OGA: variants seen among roughly 807,000 people sequenced by gnomAD.
OGA encodes the protein protein O-GlcNAcase.
Under a neutral mutation model 102.0 loss-of-function variants are expected in OGA, and 21 were observed. The ratio of observed to expected loss-of-function variants is 0.21; its 90% CI spans 0.15 to 0.30. OGA has a LOEUF of 0.30. Among genes scored for constraint, OGA ranks in the 10% least tolerant of loss-of-function variants. OGA has a pLI of 1.00. For missense variants in OGA, 765 were observed against 1,107.8 expected (o/e 0.69, Z 4.39); for synonymous variants, 408 against 378.2 (o/e 1.08, Z -0.91).
intron 12 of OGA, chr10:101,792,589 T>C: frequency 2.5e-6 from 1 of 393,522 alleles, no homozygotes; most frequent in Non-Finnish European, 4.6e-6. Flanking sequence ...ACATTAACTA[T>C]TTTGTAACTC....
chr10:101,793,369 C>T (rs569770068), intron 11 of OGA, among the ~76,000 whole-genome samples: 3 of 152,194 alleles, frequency 2.0e-5, no homozygotes, highest in Non-Finnish European at 2.9e-5. Flanking sequence ...CAAAGCAATG[C>T]GCTTCAGTTT....
At chr10:101,802,537 C>T (rs61874101) in intron 7 of OGA, among the ~76,000 whole-genome samples, 7,472 of 151,806 alleles carry the variant, frequency 0.049, 206 homozygotes, top group Middle Eastern at 0.096. Flanking sequence ...GGCATGGTGG[C>T]GCATGCCTGT....
intron 14 of OGA, among the ~76,000 whole-genome samples, chr10:101,788,968 TTTAAA>T (rs2065224371): frequency 6.6e-6 from 1 of 152,190 alleles, no homozygotes; most frequent in Non-Finnish European, 1.5e-5. Context: ...CATAAAATAT[TTTAAA>T]TTAACGTATT....
At chr10:101,799,488 G>T (rs76134290) in intron 8 of OGA, 33 bp from the exon 9 acceptor site, 258,995 of 1,569,162 alleles carry the variant, frequency 0.17, 22,772 homozygotes, top group Non-Finnish European at 0.18. Context: ...AAATAAAATG[G>T]TCACACAGAT....
At chr10:101,808,027 T>C (rs2065498736) in intron 4 of OGA, 126 bp from the exon 5 acceptor site, 1 of 826,824 alleles carries the variant, frequency 1.2e-6, no homozygotes, top group Non-Finnish European at 1.7e-6. Context: ...AGATTTATTG[T>C]TTTTACATTT....
Position 101,798,920 on chromosome 10 carries a change from C to A in OGA, c.1731G>T (p.Gln577His). 2 of 1,614,158 alleles carry A rather than the reference C, an allele frequency of 1.2e-6. No individual in the cohort carries two copies. The highest frequency in any genetic ancestry group is 1.7e-6 in the Non-Finnish European group (2 of 1,180,014). The change falls in exon 9 of 16, where the codon CAG becomes CAT. Residue 577 changes from glutamine to histidine, a missense_variant. Gln to His is a conservative substitution (Grantham distance 24). Around this residue, in one of 7 missense-constraint regions of OGA, gnomAD observed 281 missense variants for 345.8 expected, o/e 0.81. Transcript: ENST00000361464. ...LPYEHGPKGAQMLREFQWLRA... is the reference protein window; with the variant it reads ...LPYEHGPKGAHMLREFQWLRA... ...GAAGCCATTGAAATTCCCGTAACATCTGTGCTCCTTTGGGTCCATGCTCGT... is the reference window on the plus strand; with the variant it reads ...GAAGCCATTGAAATTCCCGTAACATATGTGCTCCTTTGGGTCCATGCTCGT...
At chr10:101,817,719 C>A in intron 1 of OGA, 105 bp downstream of exon 1, 1 of 1,309,690 alleles carries the variant, frequency 7.6e-7, no homozygotes. Flanking sequence ...ATTTCAGACC[C>A]AGAGGCTTTC....
At chr10:101,795,795 G>C (rs2065306760) in intron 10 of OGA, 1 of 633,190 alleles carries the variant, frequency 1.6e-6, no homozygotes, top group Non-Finnish European at 2.0e-6. Flanking sequence ...ACTAATGATA[G>C]TTGATGAGCT....
intron 15 of OGA, among the ~76,000 whole-genome samples, chr10:101,787,124 C>T (rs1285887011): frequency 1.3e-5 from 2 of 151,760 alleles, no homozygotes; most frequent in Admixed American, 1.3e-4. Context: ...TCAAGTGATC[C>T]TCCCACTTCG....
At chr10:101,804,505 C>A (rs578074429) in intron 6 of OGA, among the ~76,000 whole-genome samples, 1 of 152,178 alleles carries the variant, frequency 6.6e-6, no homozygotes, top group Non-Finnish European at 1.5e-5. Flanking sequence ...GATCTCCTCA[C>A]CCTGTGATCC....
rs869235919 is a variant in OGA, at chr10:101,790,265, GTTTTTTTTTTTT to G, written c.2454+619_2454+630del. The stretch of plus-strand genomic sequence containing the variant: ...CTCAACAAAACGACCATAATATCTT[GTTTTTTTTTTTT>G]TTTTTTTTTTTTTGAGACAGAGTTT... On this transcript the variant is annotated intron_variant, in intron 14 of 15. Coordinates refer to ENST00000361464, the MANE Select transcript of OGA (RefSeq NM_012215.5). Among the ~76,000 whole-genome samples, 6 of 86,392 alleles carry G rather than the reference GTTTTTTTTTTTT, an allele frequency of 6.9e-5. No individual in the cohort carries two copies. In the South Asian group the frequency reaches 1.9e-3, roughly 27 times the overall value. The allele number at this position is 86,392 out of a possible 152,430, so 56.7% of individuals were successfully genotyped here.
chr10:101,812,381 C>T (rs558803700), intron 3 of OGA, among the ~76,000 whole-genome samples: 1 of 152,192 alleles, frequency 6.6e-6, no homozygotes, highest in East Asian at 1.9e-4. Context: ...GCACTCCAGC[C>T]TGGGGGACAG....
chr10:101,804,279 T>TC (rs2065437382), intron 6 of OGA, among the ~76,000 whole-genome samples: 1 of 149,556 alleles, frequency 6.7e-6, no homozygotes, highest in Admixed American at 6.6e-5. Flanking sequence ...GTACTTTTTT[T>TC]TTTTTTTTTT....
At chr10:101,814,049 C>T (rs1456009106) in intron 1 of OGA, among the ~76,000 whole-genome samples, 2 of 147,992 alleles carry the variant, frequency 1.4e-5, no homozygotes, top group African/African-American at 5.0e-5. Context: ...GAGGGGAGGC[C>T]GGGTGAGGTG....
At position 101,798,055 on chromosome 10, in the gene OGA, G is replaced by A. The variant is rs759567027; in HGVS notation, c.1909C>T (p.Leu637Phe). 6.2e-7 allele frequency: 1 copy of A among 1,613,696 alleles called. No homozygotes were observed. The highest frequency in any genetic ancestry group is 8.5e-7 in the Non-Finnish European group (1 of 1,179,644). Reference sequence around the variant, plus strand: ...CAAACATAGGAGTACATGTCATAAAGAATTGTCCTGTTGGCACAATTGGAG... The same window carrying A: ...CAAACATAGGAGTACATGTCATAAAAAATTGTCCTGTTGGCACAATTGGAG... ...RLSNCANRTI[L>F]YDMYSYVWDI... The change falls in exon 10 of 16, where the codon CTT becomes TTT. Residue 637 changes from leucine (L) to phenylalanine (F), a missense_variant. Physicochemically the swap from Leu to Phe is conservative, Grantham distance 22 (BLOSUM62 0). Transcript: ENST00000361464.
At chr10:101,798,815 A>T in intron 9 of OGA, 27 bp downstream of exon 9, 1 of 1,591,636 alleles carries the variant, frequency 6.3e-7, no homozygotes, top group Non-Finnish European at 8.6e-7. Flanking sequence ...CCCAGGCTTC[A>T]GCAGCAGGTA....
At chr10:101,788,979 G>A (rs189915871) in intron 14 of OGA, among the ~76,000 whole-genome samples, 252 of 152,138 alleles carry the variant, frequency 1.7e-3, no homozygotes, top group Non-Finnish European at 2.8e-3. Context: ...TTAAATTAAC[G>A]TATTCCTTAC....
intron 12 of OGA, among the ~76,000 whole-genome samples, chr10:101,791,829 T>A (rs1432474016): frequency 6.7e-6 from 1 of 149,938 alleles, no homozygotes; most frequent in Non-Finnish European, 1.5e-5. Context: ...ACCATACTCA[T>A]CTAATTTTTT....
rs1171359689 is a variant in OGA at position 101,791,502 on chromosome 10, AC to A, written c.2176-64del. The A allele has an allele frequency of 3.7e-6, 5 of 1,355,478 alleles. No homozygotes were observed. In the African/African-American group the frequency reaches 7.2e-5, roughly 19 times the overall value. The allele number at this position is 1,355,478 out of a possible 1,614,324, so 84.0% of individuals were successfully genotyped here. ...AATGGCAGCAGAATCTAACAATATAACTCACAAGTCAGTCTGGGGAGGGAGT... is the reference window on the plus strand; with the variant it reads ...AATGGCAGCAGAATCTAACAATATAATCACAAGTCAGTCTGGGGAGGGAGT... On this transcript the variant is annotated intron_variant, in intron 12 of 15. Transcript: ENST00000361464.
Sources: gnomAD v4.1 joint callset for allele counts (sites outside exome capture counted in the v4.1 genomes callset) on GRCh38, gnomAD v4.1.1 for gene constraint, gnomAD v4.1.1 regional missense constraint, MANE v1.5 for transcripts, NCBI Gene and HGNC (gene_info 2026-07-23, HGNC 2026-07-21) for gene names.